MTCL3: variants seen among roughly 807,000 people sequenced by gnomAD.
MTCL3 encodes microtubule cross-linking factor 3.
chr6:127,481,633 A>C, the MTCL3 span, among the ~76,000 whole-genome samples: 1 of 141,254 alleles, frequency 7.1e-6, no homozygotes, highest in Non-Finnish European at 1.5e-5. Context: ...CTAATGTGAA[A>C]AAAACCTTGT....
At chr6:127,514,633 T>C in the MTCL3 span, among the ~76,000 whole-genome samples, 1 of 152,228 alleles carries the variant, frequency 6.6e-6, no homozygotes, top group Non-Finnish European at 1.5e-5. Context: ...CCACACACTC[T>C]GCACTCTTTA....
At chr6:127,484,659 C>G in the MTCL3 span, among the ~76,000 whole-genome samples, 1 of 152,096 alleles carries the variant, frequency 6.6e-6, no homozygotes, top group African/African-American at 2.4e-5. Context: ...AATAATGAAA[C>G]CAATGTGATC....
the MTCL3 span, among the ~76,000 whole-genome samples, chr6:127,489,399 A>T: frequency 6.6e-6 from 1 of 152,244 alleles, no homozygotes; most frequent in Non-Finnish European, 1.5e-5. Context: ...AAGAAGAGTC[A>T]TATGTCTCTC....
At chr6:127,475,624 G>T in the MTCL3 span, 1 of 1,599,242 alleles carries the variant, frequency 6.3e-7, no homozygotes, top group African/African-American at 1.3e-5. The surrounding 1 kb of genome is among the most constrained non-coding windows in gnomAD (Gnocchi z 7.3). Context: ...GGGCCCGGGC[G>T]CCGGGTAGAA....
At chr6:127,494,442 CA>C in the MTCL3 span, among the ~76,000 whole-genome samples, 1 of 152,110 alleles carries the variant, frequency 6.6e-6, no homozygotes, top group Non-Finnish European at 1.5e-5. Context: ...ATAGCACTGA[CA>C]AAAAACTGTA....
the MTCL3 span, among the ~76,000 whole-genome samples, chr6:127,503,066 T>C: frequency 1.3e-5 from 2 of 152,292 alleles, no homozygotes; most frequent in South Asian, 2.1e-4. Context: ...TAGAGTATTA[T>C]AGAGGATTAT....
the MTCL3 span, among the ~76,000 whole-genome samples, chr6:127,516,997 G>A: frequency 5.3e-5 from 8 of 152,090 alleles, no homozygotes; most frequent in Non-Finnish European, 8.8e-5. Context: ...AGGAATTGAT[G>A]GAAAGGGAGA....
chr6:127,485,241 T>C, the MTCL3 span, among the ~76,000 whole-genome samples: 1 of 151,804 alleles, frequency 6.6e-6, no homozygotes, highest in African/African-American at 2.4e-5. Context: ...TTATCTAGAA[T>C]CTGGTGCATG....
At chr6:127,481,012 T>G in the MTCL3 span, among the ~76,000 whole-genome samples, 1 of 152,208 alleles carries the variant, frequency 6.6e-6, no homozygotes, top group Non-Finnish European at 1.5e-5. Context: ...GCTGGTAGAT[T>G]GCATAGCATC....
At chr6:127,511,083 G>A in the MTCL3 span, among the ~76,000 whole-genome samples, 1 of 152,174 alleles carries the variant, frequency 6.6e-6, no homozygotes, top group African/African-American at 2.4e-5. Flanking sequence ...AAAAGGGGAA[G>A]TCTGGAAACA....
chr6:127,475,206 C>T, the MTCL3 span: 1 of 1,414,008 alleles, frequency 7.1e-7, no homozygotes, highest in Non-Finnish European at 9.5e-7. This position sits in a 1 kb window ranked among gnomAD's most constrained non-coding sequence, Gnocchi z 7.3. Flanking sequence ...CGGGGCGCGG[C>T]AGTCCGGGCG....
the MTCL3 span, chr6:127,513,085 A>C: frequency 6.5e-7 from 1 of 1,543,732 alleles, no homozygotes; most frequent in Admixed American, 1.9e-5. Flanking sequence ...AAATATAATT[A>C]ATGACAATAT....
chr6:127,483,043 G>T, the MTCL3 span: 1 of 1,398,188 alleles, frequency 7.2e-7, no homozygotes, highest in Non-Finnish European at 9.8e-7. Flanking sequence ...TCAATTTTAT[G>T]TTTTTAAGTA....
At chr6:127,516,344 GC>G in the MTCL3 span, 1 of 1,594,806 alleles carries the variant, frequency 6.3e-7, no homozygotes. Flanking sequence ...CTGGCGGGCG[GC>G]CCCGTGCGGC....
the MTCL3 span, among the ~76,000 whole-genome samples, chr6:127,480,257 A>AT: frequency 6.6e-6 from 1 of 152,200 alleles, no homozygotes; most frequent in Non-Finnish European, 1.5e-5. Flanking sequence ...TATGATTCCC[A>AT]TTTTATATAT....
the MTCL3 span, chr6:127,515,481 C>T: frequency 1.4e-6 from 2 of 1,406,460 alleles, no homozygotes; most frequent in Non-Finnish European, 1.8e-6. This position sits in a 1 kb window ranked among gnomAD's most constrained non-coding sequence, Gnocchi z 4.3. Context: ...CCACTCTTCC[C>T]ATCCCCCAGC....
chr6:127,506,675 G>A, the MTCL3 span, among the ~76,000 whole-genome samples: 1 of 152,040 alleles, frequency 6.6e-6, no homozygotes, highest in Non-Finnish European at 1.5e-5. Context: ...CCGCCTCTCG[G>A]GTTCATAACA....
the MTCL3 span, chr6:127,517,524 T>G: frequency 6.6e-6 from 1 of 152,210 alleles, no homozygotes; most frequent in Non-Finnish European, 1.5e-5. Context: ...CTTACCCAGT[T>G]TTGTAGTCTT....
the MTCL3 span, among the ~76,000 whole-genome samples, chr6:127,479,149 G>A: frequency 6.6e-6 from 1 of 151,630 alleles, no homozygotes; most frequent in African/African-American, 2.4e-5. Flanking sequence ...GACCAAAAAT[G>A]ATATGCTAAA....
Sources: allele counts gnomAD v4.1 joint callset (sites outside exome capture counted in the v4.1 genomes callset), GRCh38; gene constraint gnomAD v4.1.1; non-coding constraint Gnocchi (gnomAD v3.1); transcripts MANE v1.5; gene names NCBI Gene and HGNC (gene_info 2026-07-23, HGNC 2026-07-21).